SYNPR: variants seen among roughly 807,000 people sequenced by gnomAD.
SYNPR encodes the protein synaptoporin.
SYNPR carries 23 observed loss-of-function variants against 32.9 expected under a neutral mutation model. The ratio of observed to expected loss-of-function variants is 0.70; its 90% confidence interval spans 0.50 to 0.99. The LOEUF is 0.99. Ranked by LOEUF, SYNPR falls within the 50% of genes least tolerant of loss-of-function variation. The probability of loss-of-function intolerance (pLI) is 0.00; values close to 1 mark genes in which losing one functional copy is unlikely to be tolerated. For synonymous variants in SYNPR, 146 were observed against 135.9 expected, an observed-to-expected ratio of 1.07 and a Z score of -0.52; for missense variants, 318 against 349.3, an observed-to-expected ratio of 0.91 and a Z score of 0.71.
chr3:63,359,380 C>T (rs538830034), intron 2 of SYNPR, among the ~76,000 whole-genome samples: 29 of 152,348 alleles, frequency 1.9e-4, no homozygotes, highest in African/African-American at 4.3e-4. Context: ...ACCACACTAC[C>T]GTTAGGAGAA....
intron 3 of SYNPR, among the ~76,000 whole-genome samples, chr3:63,510,903 CAAAAGG>C (rs1701683934): frequency 2.1e-5 from 2 of 95,244 alleles, no homozygotes; most frequent in Non-Finnish European, 5.4e-5. Context: ...AATGAAAAGG[CAAAAGG>C]TACAACTGTG....
intron 2 of SYNPR, among the ~76,000 whole-genome samples, chr3:63,339,662 C>CT (rs34889673): frequency 0.19 from 27,849 of 144,420 alleles, 2,852 homozygotes; most frequent in South Asian, 0.28. Flanking sequence ...TCCTTGTGTT[C>CT]TTTTTTTTTT....
chr3:63,416,893 G>A lies in SYNPR; in HGVS notation c.85-63939G>A, dbSNP rs140830956. 6.2e-3 allele frequency among the ~76,000 whole-genome samples: 947 copies of A among 152,150 alleles called. 20 individuals carry two copies. The highest frequency in any genetic ancestry group is 0.053 in the East Asian group (272 of 5,148). ...CCACCAGGTGCCTCCCACAACACAC[G>A]GAAATTCAAGATGAGATTTAGGTGG... is the stretch of plus-strand genomic sequence containing the variant. On this transcript the variant is annotated intron_variant, in intron 2 of 5. Transcript: ENST00000478300.
At chr3:63,241,200 G>A (rs1230019719) in intron 1 of SYNPR, among the ~76,000 whole-genome samples, 3 of 152,164 alleles carry the variant, frequency 2.0e-5, no homozygotes, top group Non-Finnish European at 2.9e-5. Context: ...AGGAAAGAGG[G>A]ATGGCAAATG....
intron 3 of SYNPR, among the ~76,000 whole-genome samples, chr3:63,523,924 C>CCAGG (rs1701956873): frequency 1.3e-5 from 2 of 152,158 alleles, no homozygotes; most frequent in Admixed American, 6.5e-5. Context: ...GAGGAAGGAC[C>CCAGG]CAGGGTATGT....
At chr3:63,240,501 A>G (rs1402620669) in intron 1 of SYNPR, among the ~76,000 whole-genome samples, 4 of 152,086 alleles carry the variant, frequency 2.6e-5, no homozygotes, top group Admixed American at 6.6e-5. Flanking sequence ...AAGGAAATGA[A>G]AGAGGAGACC....
intron 2 of SYNPR, among the ~76,000 whole-genome samples, chr3:63,452,348 G>C (rs2107177425): frequency 6.6e-6 from 1 of 152,228 alleles, no homozygotes; most frequent in African/African-American, 2.4e-5. Context: ...AAAAATAAAA[G>C]CTAAGCCATC....
intron 2 of SYNPR, among the ~76,000 whole-genome samples, chr3:63,429,243 G>A (rs148096545): frequency 5.3e-5 from 8 of 152,326 alleles, no homozygotes; most frequent in African/African-American, 1.9e-4. Context: ...TGAAAGGATT[G>A]TATCAATAAT....
rs80253815 is a variant in SYNPR at position 63,491,943 on chromosome 3, A to T, written c.209+10987A>T. On this transcript the variant is annotated intron_variant, in intron 3 of 5. Transcript: ENST00000478300. ...CCTTTTTTGTTTTTTTCAAAAATGT[A>T]TTGACTCCTAGGCAAGAGGCACGAT... Among the ~76,000 whole-genome samples the T allele has an allele frequency of 8.4e-3, 1,273 of 152,208 alleles. 60 individuals are homozygous for T. The East Asian group carries it at 0.13, about 16-fold the overall frequency.
At chr3:63,517,829 C>T (rs1365449568) in intron 3 of SYNPR, among the ~76,000 whole-genome samples, 4 of 152,160 alleles carry the variant, frequency 2.6e-5, no homozygotes, top group South Asian at 2.1e-4. Flanking sequence ...ACCCCAAAGC[C>T]AGAATCCTAA....
chr3:63,411,435 G>C (rs529791269), intron 2 of SYNPR, among the ~76,000 whole-genome samples: 6 of 152,252 alleles, frequency 3.9e-5, no homozygotes, highest in African/African-American at 1.4e-4. Flanking sequence ...CATAATCTCA[G>C]CTCTCATACT....
At chr3:63,323,565 T>C (rs2087133955) in intron 2 of SYNPR, among the ~76,000 whole-genome samples, 1 of 152,060 alleles carries the variant, frequency 6.6e-6, no homozygotes, top group South Asian at 2.1e-4. Flanking sequence ...TTGGCATTGT[T>C]TTTTGCTGAG....
At chr3:63,588,772 G>A (rs1447232396) in intron 4 of SYNPR, among the ~76,000 whole-genome samples, 1 of 152,004 alleles carries the variant, frequency 6.6e-6, no homozygotes, top group South Asian at 2.1e-4. Context: ...GGGTACCAGG[G>A]TCCAGAAAGG....
intron 2 of SYNPR, among the ~76,000 whole-genome samples, chr3:63,448,613 A>T (rs888353077): frequency 7.9e-5 from 12 of 151,336 alleles, no homozygotes; most frequent in South Asian, 2.1e-4. Context: ...GAGGAAAAAC[A>T]TTTTTTTTTA....
intron 2 of SYNPR, among the ~76,000 whole-genome samples, chr3:63,320,295 A>T (rs1020268550): frequency 3.9e-5 from 6 of 152,038 alleles, no homozygotes; most frequent in African/African-American, 1.2e-4. Flanking sequence ...CTTAAAATGA[A>T]GTTGATGCAT....
intron 2 of SYNPR, among the ~76,000 whole-genome samples, chr3:63,341,588 T>C (rs1421002825): frequency 6.6e-6 from 1 of 152,246 alleles, no homozygotes; most frequent in Non-Finnish European, 1.5e-5. Flanking sequence ...CTTTAGTTTG[T>C]AATTTTCTAA....
At chr3:63,373,500 T>C (rs981380821) in intron 2 of SYNPR, among the ~76,000 whole-genome samples, 2 of 152,090 alleles carry the variant, frequency 1.3e-5, no homozygotes, top group African/African-American at 4.8e-5. Context: ...AGACTTGCTC[T>C]CCAGACTAAC....
At chr3:63,598,061 GTC>G (rs1699987138) in intron 4 of SYNPR, among the ~76,000 whole-genome samples, 1 of 152,164 alleles carries the variant, frequency 6.6e-6, no homozygotes. Context: ...TTCTAGTGTA[GTC>G]TCTCTGTATA....
intron 2 of SYNPR, among the ~76,000 whole-genome samples, chr3:63,257,858 A>G (rs574396808): frequency 6.6e-6 from 1 of 152,358 alleles, no homozygotes; most frequent in East Asian, 1.9e-4. Context: ...GGCTTAAAAT[A>G]AAGGGATGGA....
Sources: gnomAD v4.1 joint callset for allele counts (sites outside exome capture counted in the v4.1 genomes callset) on GRCh38, gnomAD v4.1.1 for gene constraint, MANE v1.5 for transcripts, NCBI Gene and HGNC (gene_info 2026-07-23, HGNC 2026-07-21) for gene names.